Variants in RBFOX1 observed in about 807,000 individuals in gnomAD.
The protein encoded by RBFOX1 is RNA binding protein fox-1 homolog 1.
In RBFOX1, 8 loss-of-function variants were observed where a neutral mutation model predicts 57.7. The observed-to-expected ratio is 0.14, with a 90% CI of 0.08 to 0.25. The LOEUF is 0.25. Ranked by LOEUF, RBFOX1 falls within the 10% of genes least tolerant of loss-of-function variation. The pLI is 1.00. For synonymous variants in RBFOX1, 326 were observed against 222.4 expected (o/e 1.47, Z -4.15); for missense variants, 611 against 548.5 (o/e 1.11, Z -1.14).
intron 3 of RBFOX1, among the ~76,000 whole-genome samples, chr16:5,760,227 T>C (rs1247342162): frequency 1.3e-5 from 2 of 152,156 alleles, no homozygotes; most frequent in Non-Finnish European, 2.9e-5. Context: ...ACTGGAAATC[T>C]ATGGTCCCAG....
intron 1 of RBFOX1, among the ~76,000 whole-genome samples, chr16:5,329,625 A>T (rs528329720): frequency 6.9e-4 from 105 of 152,238 alleles, no homozygotes; most frequent in Non-Finnish European, 1.2e-3. Flanking sequence ...TTGGACTGTT[A>T]TAACAAAATA....
At chr16:6,943,740 A>G (rs2078976797) in intron 3 of RBFOX1, among the ~76,000 whole-genome samples, 2 of 151,780 alleles carry the variant, frequency 1.3e-5, no homozygotes, top group Admixed American at 6.6e-5. Context: ...ATTCGCCTGT[A>G]ACAATAGCTG....
At chr16:6,875,907 A>T (rs1418751030) in intron 3 of RBFOX1, among the ~76,000 whole-genome samples, 2 of 152,172 alleles carry the variant, frequency 1.3e-5, no homozygotes, top group African/African-American at 4.8e-5. Context: ...CTGAGGTGGG[A>T]GGATCACTTG....
chr16:5,875,704 G>A (rs910875585), intron 4 of RBFOX1, among the ~76,000 whole-genome samples: 1 of 152,152 alleles, frequency 6.6e-6, no homozygotes, highest in Non-Finnish European at 1.5e-5. Flanking sequence ...ATTCCTAAGA[G>A]TGTTTCAGAA....
At chr16:5,885,134 A>T (rs570382958) in intron 4 of RBFOX1, among the ~76,000 whole-genome samples, 2 of 151,972 alleles carry the variant, frequency 1.3e-5, no homozygotes, top group East Asian at 1.9e-4. Flanking sequence ...TTCCTTTCTC[A>T]CTTCCAAGGT....
intron 2 of RBFOX1, among the ~76,000 whole-genome samples, chr16:5,470,895 A>G (rs2069112450): frequency 2.0e-5 from 3 of 152,148 alleles, no homozygotes; most frequent in Non-Finnish European, 2.9e-5. Flanking sequence ...CTCGTCACCC[A>G]GGCTGGAGTA....
At chr16:7,029,217 TATAC>T (rs767121773) in intron 3 of RBFOX1, among the ~76,000 whole-genome samples, 31,594 of 92,756 alleles carry the variant, frequency 0.34, 8,323 homozygotes, top group South Asian at 0.51. Flanking sequence ...TACGTATATA[TATAC>T]ACACATATAT....
At chr16:7,388,225 A>G (rs1432710387) in intron 4 of RBFOX1, among the ~76,000 whole-genome samples, 1 of 152,168 alleles carries the variant, frequency 6.6e-6, no homozygotes, top group Non-Finnish European at 1.5e-5. Context: ...CAGACACACA[A>G]GGTTGGTGTG....
At chr16:5,876,470 G>T (rs1354773621) in intron 4 of RBFOX1, among the ~76,000 whole-genome samples, 3 of 152,142 alleles carry the variant, frequency 2.0e-5, no homozygotes, top group Admixed American at 2.0e-4. Flanking sequence ...AGTGAAGTCA[G>T]GAGTCACCTC....
At chr16:5,985,963 C>T (rs965900366) in intron 4 of RBFOX1, among the ~76,000 whole-genome samples, 1 of 152,114 alleles carries the variant, frequency 6.6e-6, no homozygotes, top group Admixed American at 6.5e-5. Flanking sequence ...AGTATCCACC[C>T]GTATACCATC....
intron 3 of RBFOX1, among the ~76,000 whole-genome samples, chr16:6,803,255 G>C (rs2085920955): frequency 6.6e-6 from 1 of 152,076 alleles, no homozygotes; most frequent in South Asian, 2.1e-4. Context: ...CTTTCTGCAT[G>C]AAAGTGCAAA....
intron 4 of RBFOX1, among the ~76,000 whole-genome samples, chr16:7,250,633 A>G (rs1046604926): frequency 2.0e-5 from 3 of 152,220 alleles, no homozygotes; most frequent in Non-Finnish European, 4.4e-5. Context: ...ACACTGAGCA[A>G]GCATTTAGAG....
At chr16:7,196,748 C>T (rs990902013) in intron 4 of RBFOX1, among the ~76,000 whole-genome samples, 9 of 151,868 alleles carry the variant, frequency 5.9e-5, no homozygotes, top group Admixed American at 2.0e-4. Flanking sequence ...GGAAGGTTTG[C>T]GGAAAGAAGG....
At chr16:6,470,952 T>C (rs1167540888) in intron 2 of RBFOX1, among the ~76,000 whole-genome samples, 5 of 152,208 alleles carry the variant, frequency 3.3e-5, no homozygotes, top group African/African-American at 1.2e-4. Flanking sequence ...TAAGATACAA[T>C]AAAATAATCT....
intron 1 of RBFOX1, among the ~76,000 whole-genome samples, chr16:5,363,656 C>T (rs555454998): frequency 6.6e-6 from 1 of 152,280 alleles, no homozygotes; most frequent in South Asian, 2.1e-4. Context: ...AATCATGACC[C>T]TTCTTGCACA....
intron 2 of RBFOX1, among the ~76,000 whole-genome samples, chr16:6,615,398 C>T (rs1481505892): frequency 1.3e-5 from 2 of 152,030 alleles, no homozygotes; most frequent in South Asian, 2.1e-4. Flanking sequence ...GCCAAAACCC[C>T]GTCTCTACTA....
chr16:6,843,873 T>C (rs2093623505), intron 3 of RBFOX1, among the ~76,000 whole-genome samples: 2 of 152,194 alleles, frequency 1.3e-5, no homozygotes, highest in South Asian at 2.1e-4. Context: ...TATCTTCATA[T>C]CCCCTGGATT....
chr16:7,401,505 G>C (rs1236625006), intron 4 of RBFOX1, among the ~76,000 whole-genome samples: 2 of 152,016 alleles, frequency 1.3e-5, no homozygotes, highest in African/African-American at 4.8e-5. Flanking sequence ...AGATTAGGTA[G>C]GTAAAAAATA....
At chr16:7,135,812 C>G (rs555023067) in intron 4 of RBFOX1, among the ~76,000 whole-genome samples, 1 of 152,342 alleles carries the variant, frequency 6.6e-6, no homozygotes, top group African/African-American at 2.4e-5. Context: ...CCACTTATTT[C>G]TAGTCTTTTT....
Sources: gnomAD v4.1 joint callset for allele counts (sites outside exome capture counted in the v4.1 genomes callset) on GRCh38, gnomAD v4.1.1 for gene constraint, MANE v1.5 for transcripts, NCBI Gene and HGNC (gene_info 2026-07-23, HGNC 2026-07-21) for gene names.